The following GRID2 variants were observed in gnomAD, a reference collection of about 807,000 sequenced individuals.
The protein encoded by GRID2 is glutamate ionotropic receptor delta type subunit 2.
A neutral mutation model predicts 114.8 loss-of-function variants in GRID2; 33 were observed. The observed-to-expected ratio is 0.29, with a 90% CI of 0.22 to 0.38. GRID2 has a LOEUF of 0.38. Ranked by LOEUF, GRID2 falls within the 10% of genes least tolerant of loss-of-function variation. The pLI is 1.00. For synonymous variants in GRID2, 505 were observed against 449.9 expected (o/e 1.12, Z -1.55); for missense variants, 1,184 against 1,257.7 (o/e 0.94, Z 0.89).
At chr4:92,609,618 ATATATAT>A (rs1274983798) in intron 2 of GRID2, among the ~76,000 whole-genome samples, 1 of 147,736 alleles carries the variant, frequency 6.8e-6, no homozygotes, top group Admixed American at 6.8e-5. Context: ...ACTGGAAATA[ATATATAT>A]TATATATATA....
intron 13 of GRID2, among the ~76,000 whole-genome samples, chr4:93,579,898 A>C (rs533085736): frequency 6.6e-6 from 1 of 152,322 alleles, no homozygotes; most frequent in Admixed American, 6.5e-5. Context: ...ATCAGGAGGA[A>C]AATAAGACTG....
intron 8 of GRID2, among the ~76,000 whole-genome samples, chr4:93,297,436 G>A (rs1257070198): frequency 1.3e-5 from 2 of 152,136 alleles, no homozygotes; most frequent in Non-Finnish European, 2.9e-5. Context: ...GATTGATATA[G>A]TGTAGCAGCT....
chr4:93,296,419 G>A (rs1224742741), intron 8 of GRID2, among the ~76,000 whole-genome samples: 2 of 151,628 alleles, frequency 1.3e-5, no homozygotes, highest in Non-Finnish European at 2.9e-5. Context: ...ATCTCTAGGT[G>A]GCTATCTTTC....
chr4:93,617,440 T>G (rs974680819), intron 13 of GRID2, among the ~76,000 whole-genome samples: 2 of 152,180 alleles, frequency 1.3e-5, no homozygotes, highest in African/African-American at 4.8e-5. Context: ...TGCATATGTG[T>G]TTTTACATCG....
chr4:92,812,555 A>C (rs1740711740), intron 2 of GRID2, among the ~76,000 whole-genome samples: 1 of 152,112 alleles, frequency 6.6e-6, no homozygotes, highest in Non-Finnish European at 1.5e-5. Context: ...TAAATGTAGT[A>C]TTTAAATACC....
intron 13 of GRID2, among the ~76,000 whole-genome samples, chr4:93,578,963 A>G (rs1447619924): frequency 6.6e-6 from 1 of 152,076 alleles, no homozygotes; most frequent in East Asian, 1.9e-4. Flanking sequence ...CTGTATACTC[A>G]TTGATTTCCT....
intron 1 of GRID2, among the ~76,000 whole-genome samples, chr4:92,399,927 TATTTC>T (rs771098473): frequency 9.8e-4 from 149 of 152,268 alleles, no homozygotes; most frequent in Non-Finnish European, 1.9e-3. Context: ...CAGAGCATAT[TATTTC>T]ATTGTGATTA....
intron 2 of GRID2, among the ~76,000 whole-genome samples, chr4:92,720,764 T>C (rs1343303774): frequency 6.6e-6 from 1 of 152,020 alleles, no homozygotes; most frequent in Non-Finnish European, 1.5e-5. Context: ...GTACAAGCCA[T>C]CACTATTCAA....
intron 1 of GRID2, among the ~76,000 whole-genome samples, chr4:92,568,136 G>A (rs7682842): frequency 0.26 from 40,160 of 151,778 alleles, 5,499 homozygotes; most frequent in Middle Eastern, 0.37. Context: ...TGTAAGAGAA[G>A]GAGCATTACA....
intron 5 of GRID2, among the ~76,000 whole-genome samples, chr4:93,211,661 C>T (rs1204268213): frequency 6.6e-6 from 1 of 152,130 alleles, no homozygotes; most frequent in African/African-American, 2.4e-5. Flanking sequence ...TTACCCACAG[C>T]CCTACTTTCT....
intron 11 of GRID2, among the ~76,000 whole-genome samples, chr4:93,456,278 A>C (rs1053738191): frequency 6.6e-6 from 1 of 152,164 alleles, no homozygotes; most frequent in Non-Finnish European, 1.5e-5. Context: ...CCAAACTCTG[A>C]CTTTCTGAGA....
intron 2 of GRID2, among the ~76,000 whole-genome samples, chr4:92,800,840 A>C (rs1740125321): frequency 6.6e-6 from 1 of 151,994 alleles, no homozygotes; most frequent in Admixed American, 6.6e-5. Context: ...ATGACAGTTG[A>C]AAGTCCCAGG....
chr4:92,752,338 A>G (rs149494812), intron 2 of GRID2, among the ~76,000 whole-genome samples: 1 of 152,326 alleles, frequency 6.6e-6, no homozygotes, highest in Non-Finnish European at 1.5e-5. Context: ...ACAAGAGATG[A>G]ACACAGTAAA....
At chr4:93,136,270 GTGTGTGTGTT>G in intron 4 of GRID2, among the ~76,000 whole-genome samples, 1 of 138,042 alleles carries the variant, frequency 7.2e-6, no homozygotes. Flanking sequence ...GTGTGTGTGT[GTGTGTGTGTT>G]TAATTATCCT....
intron 2 of GRID2, among the ~76,000 whole-genome samples, chr4:93,059,179 G>A (rs889445715): frequency 4.6e-5 from 7 of 152,128 alleles, no homozygotes; most frequent in African/African-American, 1.7e-4. Context: ...TGAAATGCAT[G>A]GCAGAAATAC....
At chr4:93,579,469 CTAAAG>C (rs1220134017) in intron 13 of GRID2, among the ~76,000 whole-genome samples, 1 of 151,952 alleles carries the variant, frequency 6.6e-6, no homozygotes, top group Non-Finnish European at 1.5e-5. Flanking sequence ...CCCAAATCAC[CTAAAG>C]TTTTCCTTCC....
chr4:92,481,547 C>G (rs1229370059), intron 1 of GRID2, among the ~76,000 whole-genome samples: 2 of 151,926 alleles, frequency 1.3e-5, no homozygotes, highest in Non-Finnish European at 2.9e-5. Context: ...ATTTTTTATT[C>G]TGTTCCATTC....
At chr4:93,406,990 C>A (rs1766512102) in intron 9 of GRID2, among the ~76,000 whole-genome samples, 1 of 152,134 alleles carries the variant, frequency 6.6e-6, no homozygotes, top group Non-Finnish European at 1.5e-5. Flanking sequence ...CTTAAAGTTG[C>A]AACATCATGA....
At chr4:92,982,515 GT>G (rs1361999903) in intron 2 of GRID2, among the ~76,000 whole-genome samples, 11 of 151,950 alleles carry the variant, frequency 7.2e-5, no homozygotes, top group Non-Finnish European at 1.5e-4. Context: ...CATTTTATCA[GT>G]TTACACACCT....
Sources: allele counts gnomAD v4.1 joint callset (sites outside exome capture counted in the v4.1 genomes callset), GRCh38; gene constraint gnomAD v4.1.1; transcripts MANE v1.5; gene names NCBI Gene and HGNC (gene_info 2026-07-23, HGNC 2026-07-21).